The following CBLC variants were observed in gnomAD, a reference collection of about 807,000 sequenced individuals.
CBLC encodes the protein E3 ubiquitin-protein ligase CBL-C.
In CBLC, 46 loss-of-function variants were observed where a neutral mutation model predicts 58.6. That is an observed-to-expected ratio of 0.79 (90% confidence interval 0.62 to 1.00). The LOEUF (loss-of-function observed/expected upper bound fraction) is 1.00, where lower values mean the gene tolerates loss of function less well. Among genes scored for constraint, CBLC ranks in the 50% least tolerant of loss-of-function variants. The pLI, the probability that CBLC is intolerant of heterozygous loss-of-function variation, is 0.00. For synonymous variants in CBLC, 271 were observed against 264.2 expected (o/e 1.03, Z -0.25); for missense variants, 655 against 625.8 (o/e 1.05, Z -0.50).
At chr19:44,784,950 GTTTTTTTTTTTTTTTTTTTTTTTTT>G (rs58171575) in intron 5 of CBLC, among the ~76,000 whole-genome samples, 12 of 34,372 alleles carry the variant, frequency 3.5e-4, no homozygotes, top group Non-Finnish European at 7.2e-4. Flanking sequence ...CTAGACAGGT[GTTTTTTTTTTTTTTTTTTTTTTTTT>G]TTTTTTTTTT....
At position 44,781,453 on chromosome 19, in the gene CBLC, G is replaced by C. The variant is rs1325334213; in HGVS notation, c.657+90G>C. The C allele has an allele frequency of 4.4e-5, 58 of 1,324,336 alleles. No individual in the cohort carries two copies. In the African/African-American group the frequency reaches 7.2e-4, roughly 16 times the overall value. 82.0% of individuals were successfully genotyped at this position (1,324,336 alleles called of 1,614,324 possible). On this transcript the variant is annotated intron_variant, in intron 3 of 10. Transcript: ENST00000647358. ...GATTCCTGGGTCTGAGGGAGGAAGG[G>C]CCGGGACCTGGACTCCTGGATCTGA... is the stretch of plus-strand genomic sequence containing the variant.
In CBLC at chr19:44,777,966, G is replaced by A; in HGVS notation, c.35G>A (p.Trp12Ter). 1 of 1,603,870 alleles carries A rather than the reference G, an allele frequency of 6.2e-7. No homozygotes were observed. Among genetic ancestry groups the A allele is most frequent in the Non-Finnish European group, 8.5e-7 (1 of 1,177,730 alleles). ...GCGGTGGCCCCGTGGGGGCGACAGT[G>A]GGAAGAGGCCCGCGCCCTGGGCCGG... ...ALAVAPWGRQ[W>*]EEARALGRAV... Residue 12 changes from tryptophan (W) to a stop codon, truncating the protein, a stop_gained, in exon 1 of 11, where the codon TGG (tryptophan) becomes TAG (stop). Transcript: ENST00000647358. LOFTEE classifies it high-confidence loss of function.
intron 1 of CBLC, among the ~76,000 whole-genome samples, chr19:44,779,756 T>C (rs977845753): frequency 2.6e-5 from 4 of 152,014 alleles, no homozygotes; most frequent in African/African-American, 9.7e-5. Context: ...TCTTGCTATG[T>C]TGGCTAGGCC....
intron 3 of CBLC, 134 bp downstream of exon 3, chr19:44,781,497 C>G (rs1673166700): frequency 1.1e-6 from 1 of 874,924 alleles, no homozygotes; most frequent in East Asian, 2.7e-5. Flanking sequence ...GGGCCGGGGC[C>G]TGGACTCCTG....
intron 9 of CBLC, 25 bp downstream of exon 9, chr19:44,794,306 T>C: frequency 6.2e-7 from 1 of 1,608,082 alleles, no homozygotes; most frequent in South Asian, 1.1e-5. Flanking sequence ...GGTCTGAGGT[T>C]GGGGGCTGGG....
chr19:44,784,661 A>G (rs1214593775), intron 5 of CBLC, among the ~76,000 whole-genome samples: 4 of 152,174 alleles, frequency 2.6e-5, no homozygotes, highest in Non-Finnish European at 4.4e-5. Flanking sequence ...CATTGGGCAC[A>G]ACCGCAAGGG....
At chr19:44,792,586 C>G in intron 7 of CBLC, 72 bp downstream of exon 7, 2 of 1,413,304 alleles carry the variant, frequency 1.4e-6, no homozygotes, top group Non-Finnish European at 1.9e-6. Context: ...AAAAGGATCT[C>G]CATGCCTCAT....
rs765766542 is a variant in CBLC at position 44,778,098 on chromosome 19, G to A, written c.167G>A (p.Arg56Gln). ...CTGCCCCGCACAGCGCAGCTGCTTC[G>A]AGAGGTGGCCCATTCTCGGCGGGCG... ...DLLPRTAQLL[R>Q]EVAHSRRAAG... The change falls in exon 1 of 11, where the codon CGA becomes CAA. Residue 56 changes from arginine to glutamine, a missense_variant. Transcript: ENST00000647358. 1.1e-5 allele frequency: 18 copies of A among 1,605,894 alleles called. No homozygotes were observed. Among genetic ancestry groups the A allele is most frequent in the African/African-American group, 1.3e-5 (1 of 74,686 alleles).
At chr19:44,791,320 AAAG>A (rs1187752634) in intron 6 of CBLC, among the ~76,000 whole-genome samples, 4 of 151,808 alleles carry the variant, frequency 2.6e-5, no homozygotes, top group South Asian at 2.1e-4. Flanking sequence ...AAAAAAAAAA[AAAG>A]AAAGAAAGAA....
In CBLC at chr19:44,781,416, G is replaced by A; in HGVS notation, c.657+53G>A. On this transcript the variant is annotated intron_variant, in intron 3 of 10. Transcript: ENST00000647358. ...GACTTGGGTCCAGGAGGAAGTAGAG[G>A]GCTGAATCCTGGATTCCTGGGTCTG... is the stretch of plus-strand genomic sequence containing the variant. The A allele has an allele frequency of 2.6e-6, 4 of 1,546,616 alleles. No homozygotes were observed. The Admixed American group carries it at 5.3e-5, about 20-fold the overall frequency.
At position 44,778,044 on chromosome 19, in the gene CBLC, C is replaced by T. The variant is rs1239073449; in HGVS notation, c.113C>T (p.Ser38Phe). Residue 38 changes from serine (S) to phenylalanine (F), a missense_variant, in exon 1 of 11, where the codon TCC becomes TTC. By Grantham distance (155) the Ser-to-Phe change is radical (BLOSUM62 -2). Around this residue, in one of 3 missense-constraint regions of CBLC, gnomAD observed 280 missense variants for 237.2 expected, o/e 1.18. Coordinates refer to ENST00000647358, the MANE Select transcript of CBLC (RefSeq NM_012116.4). ...LEEQCVDPRL[S>F]VSPPSLRDLL... ...GAGCAATGCGTCGACCCCCGGCTGTCCGTGAGTCCCCCTTCGCTGCGGGAC... is the reference window on the plus strand; with the variant it reads ...GAGCAATGCGTCGACCCCCGGCTGTTCGTGAGTCCCCCTTCGCTGCGGGAC... 4.4e-6 allele frequency: 7 copies of T among 1,609,186 alleles called. No homozygotes were observed. In the Middle Eastern group the frequency reaches 4.9e-4, roughly 113 times the overall value.
intron 6 of CBLC, 72 bp from the exon 7 acceptor site, chr19:44,792,311 C>T: frequency 6.4e-7 from 1 of 1,570,828 alleles, no homozygotes; most frequent in Non-Finnish European, 8.7e-7. Context: ...GGATTTTCTT[C>T]CTGTGGCCCA....
intron 5 of CBLC, 165 bp downstream of exon 5, chr19:44,784,566 G>A (rs1455877959): frequency 1.5e-6 from 1 of 684,462 alleles, no homozygotes; most frequent in East Asian, 2.9e-5. Flanking sequence ...GCAGTCAAAG[G>A]TCTTGAGGAA....
chr19:44,794,464 T>C (rs1232232584), intron 9 of CBLC, among the ~76,000 whole-genome samples, 183 bp downstream of exon 9: 1 of 141,418 alleles, frequency 7.1e-6, no homozygotes, highest in African/African-American at 2.6e-5. Context: ...TTTCTTTTTT[T>C]TTTTTTTTTT....
At position 44,778,044 on chromosome 19, in the gene CBLC, C is replaced by A; in HGVS notation, c.113C>A (p.Ser38Tyr). The A allele has an allele frequency of 1.2e-6, 2 of 1,609,304 alleles. No homozygotes were observed. The highest frequency in any genetic ancestry group is 1.7e-6 in the Non-Finnish European group (2 of 1,179,656). ...LEEQCVDPRL[S>Y]VSPPSLRDLL... is the part of the protein sequence containing the mutation. ...GAGCAATGCGTCGACCCCCGGCTGT[C>A]CGTGAGTCCCCCTTCGCTGCGGGAC... Residue 38 changes from serine (S) to tyrosine (Y), a missense_variant, in exon 1 of 11, where the codon TCC becomes TAC. By Grantham distance (144) the Ser-to-Tyr change is moderately radical (BLOSUM62 -2). This residue lies in a region of CBLC where 280 missense variants were observed against 237.2 expected (regional missense o/e 1.18). Coordinates refer to ENST00000647358, the MANE Select transcript of CBLC (RefSeq NM_012116.4).
At chr19:44,778,953 TG>T (rs1449757195) in intron 1 of CBLC, among the ~76,000 whole-genome samples, 2 of 151,086 alleles carry the variant, frequency 1.3e-5, no homozygotes, top group Non-Finnish European at 2.9e-5. Flanking sequence ...ACCTGGAAAA[TG>T]GGCCACCCAG....
chr19:44,799,363 G>A (rs1307945070), intron 9 of CBLC, among the ~76,000 whole-genome samples: 3 of 152,214 alleles, frequency 2.0e-5, no homozygotes, highest in Middle Eastern at 3.4e-3. Flanking sequence ...AGACAGTTTC[G>A]CTCTTGTTGC....
intron 5 of CBLC, among the ~76,000 whole-genome samples, chr19:44,784,935 A>C (rs1012135885): frequency 5.4e-5 from 7 of 129,592 alleles, no homozygotes; most frequent in Non-Finnish European, 1.1e-4. Flanking sequence ...GAACTGGAGA[A>C]CTTGCTAGAC....
At position 44,780,954 on chromosome 19, in the gene CBLC, C is replaced by A; in HGVS notation, c.403C>A (p.Leu135Met). The A allele has an allele frequency of 6.2e-7, 1 of 1,613,470 alleles. No homozygotes were observed. Among genetic ancestry groups the A allele is most frequent in the African/African-American group, 1.3e-5 (1 of 75,078 alleles). Residue 135 changes from leucine (L) to methionine (M), a missense_variant, in exon 2 of 11, where the codon CTG becomes ATG. Around this residue, in one of 3 missense-constraint regions of CBLC, gnomAD observed 280 missense variants for 237.2 expected, o/e 1.18. Coordinates refer to ENST00000647358, the MANE Select transcript of CBLC (RefSeq NM_012116.4). ...AIIFSHMHAE[L>M]HALFPGGKYC... is the part of the protein sequence containing the mutation. The stretch of plus-strand genomic sequence containing the variant: ...CATCTTCAGCCACATGCACGCAGAG[C>A]TGCACGCACTCTTCCCCGGGGGAAA...
Sources: allele counts gnomAD v4.1 joint callset (sites outside exome capture counted in the v4.1 genomes callset), GRCh38; gene constraint gnomAD v4.1.1; regional missense constraint gnomAD v4.1.1; transcripts MANE v1.5; gene names NCBI Gene and HGNC (gene_info 2026-07-23, HGNC 2026-07-21).